Variants in BIRC6 observed in about 807,000 individuals in gnomAD.
The protein encoded by BIRC6 is baculoviral IAP repeat containing 6, also known as dual E2 ubiquitin-conjugating enzyme/E3 ubiquitin-protein ligase BIRC6.
A neutral mutation model predicts 503.3 loss-of-function variants in BIRC6; 98 were observed. The ratio of observed to expected loss-of-function variants is 0.19; its 90% CI spans 0.17 to 0.23. The LOEUF is 0.23. Ranked by LOEUF, BIRC6 falls within the 10% of genes least tolerant of loss-of-function variation. The pLI is 1.00. For missense variants in BIRC6, 5,360 were observed against 5,806.0 expected, an observed-to-expected ratio of 0.92 and a Z score of 2.50; for synonymous variants, 2,240 against 2,078.7, an observed-to-expected ratio of 1.08 and a Z score of -2.11.
At chr2:32,466,061 C>T (rs2148912319) in intron 26 of BIRC6, among the ~76,000 whole-genome samples, 1 of 152,114 alleles carries the variant, frequency 6.6e-6, no homozygotes, top group African/African-American at 2.4e-5. Flanking sequence ...GTACATAAGC[C>T]TCCTGAGGAG....
chr2:32,391,059 GC>G (rs11342412), intron 4 of BIRC6, among the ~76,000 whole-genome samples: 4,474 of 152,264 alleles, frequency 0.029, 124 homozygotes, highest in African/African-American at 0.08. Flanking sequence ...TAGAACAAGT[GC>G]TTCTTGTCTG....
In BIRC6 at chr2:32,513,138, G is replaced by A. The variant is rs374840478; in HGVS notation, c.10552G>A (p.Asp3518Asn). The A allele has an allele frequency of 2.3e-4, 370 of 1,613,018 alleles. No individual in the cohort carries two copies. Among genetic ancestry groups the A allele is most frequent in the Non-Finnish European group, 3.1e-4 (363 of 1,179,436 alleles). Reference protein sequence around the residue: ...LVEYDLPALLDQELFELLFNW... With the variant: ...LVEYDLPALLNQELFELLFNW... ...AGAATATGACTTACCAGCACTCCTG[G>A]ACCAAGAGCTCTTTGAGTAAGTATG... Residue 3518 changes from aspartate (D) to asparagine (N), a missense_variant, in exon 54 of 74, where the codon GAC becomes AAC. Transcript: ENST00000421745.
chr2:32,550,541 T>G (rs2058354575), intron 65 of BIRC6, among the ~76,000 whole-genome samples: 1 of 152,130 alleles, frequency 6.6e-6, no homozygotes, highest in Non-Finnish European at 1.5e-5. Context: ...TTAAAATGTT[T>G]GAGACTATAC....
At chr2:32,553,977 G>A (rs768873928) in intron 65 of BIRC6, among the ~76,000 whole-genome samples, 3 of 151,970 alleles carry the variant, frequency 2.0e-5, no homozygotes, top group African/African-American at 4.8e-5. Flanking sequence ...TGAAAGTTGC[G>A]TTTTGTAGGC....
intron 70 of BIRC6, among the ~76,000 whole-genome samples, chr2:32,600,657 G>A (rs1252611284): frequency 6.6e-6 from 1 of 152,206 alleles, no homozygotes; most frequent in Non-Finnish European, 1.5e-5. Flanking sequence ...AAAATATTAA[G>A]ATGTATTTAA....
intron 35 of BIRC6, 150 bp downstream of exon 35, chr2:32,477,733 T>C: frequency 8.5e-6 from 1 of 118,188 alleles, no homozygotes; most frequent in Non-Finnish European, 1.4e-5. Flanking sequence ...ACCCCGTCTC[T>C]ACAAAAAAAA....
At chr2:32,480,621 CTTTTTTTTTTTTTTTTTTT>C (rs560251664) in intron 37 of BIRC6, among the ~76,000 whole-genome samples, 1,060 of 60,728 alleles carry the variant, frequency 0.017, 24 homozygotes, top group African/African-American at 0.055. Flanking sequence ...AGGTAAATGG[CTTTTTTTTTTTTTTTTTTT>C]TTTTTTTTTT....
intron 13 of BIRC6, among the ~76,000 whole-genome samples, chr2:32,434,347 G>A (rs549036089): frequency 2.8e-4 from 43 of 152,098 alleles, no homozygotes; most frequent in Admixed American, 9.8e-4. Context: ...ATAATTTCAC[G>A]GTAAAATGGC....
intron 1 of BIRC6, among the ~76,000 whole-genome samples, chr2:32,369,903 C>A (rs1234270164): frequency 3.5e-5 from 4 of 113,256 alleles, no homozygotes; most frequent in African/African-American, 7.0e-5. Flanking sequence ...TTAGCCTGGG[C>A]AACATAGTGA....
chr2:32,411,236 A>G (rs1466890701), intron 9 of BIRC6, among the ~76,000 whole-genome samples: 1 of 148,918 alleles, frequency 6.7e-6, no homozygotes, highest in Non-Finnish European at 1.5e-5. Flanking sequence ...CGGGAGTTTC[A>G]CCATGTTGAC....
chr2:32,516,593 C>CAA (rs370418768), intron 55 of BIRC6, among the ~76,000 whole-genome samples: 5,900 of 135,712 alleles, frequency 0.043, 310 homozygotes, highest in African/African-American at 0.13. Context: ...GACTCCATCT[C>CAA]AAAAAAAAAA....
intron 53 of BIRC6, among the ~76,000 whole-genome samples, chr2:32,512,537 A>T (rs1170764647): frequency 3.9e-5 from 6 of 152,186 alleles, no homozygotes; most frequent in Non-Finnish European, 5.9e-5. Flanking sequence ...CTTAAAAAAA[A>T]TATGTAAGTG....
chr2:32,444,789 T>TTA (rs1486236887), intron 20 of BIRC6, among the ~76,000 whole-genome samples: 26 of 152,330 alleles, frequency 1.7e-4, no homozygotes, highest in Non-Finnish European at 1.6e-4. Context: ...TGTTGAAAAG[T>TTA]TATATCATTT....
intron 66 of BIRC6, among the ~76,000 whole-genome samples, chr2:32,591,179 A>G (rs967915660): frequency 3.9e-5 from 6 of 152,176 alleles, no homozygotes; most frequent in African/African-American, 1.2e-4. Flanking sequence ...TGTTTTTGTC[A>G]GACTATTCAA....
chr2:32,433,945 A>T (rs561689357), intron 13 of BIRC6, 141 bp downstream of exon 13: 124 of 673,362 alleles, frequency 1.8e-4, no homozygotes, highest in African/African-American at 4.6e-4. Flanking sequence ...GATTTTATTT[A>T]AAAAAGTAAT....
chr2:32,478,559 T>C (rs1429997770), intron 35 of BIRC6, 76 bp from the exon 36 acceptor site: 6 of 1,320,278 alleles, frequency 4.5e-6, no homozygotes, highest in Non-Finnish European at 6.3e-6. Flanking sequence ...TGCTAAAGTA[T>C]TGGTAGACTT....
At chr2:32,404,527 T>G (rs148966828) in intron 8 of BIRC6, among the ~76,000 whole-genome samples, 1,590 of 152,194 alleles carry the variant, frequency 0.01, 26 homozygotes, top group African/African-American at 0.035. Context: ...TTGGCCAGGC[T>G]GGTCTCAAAC....
Position 32,486,246 on chromosome 2 carries a change from G to A in BIRC6, c.7813+487G>A, listed in dbSNP as rs559127540. ...ACCTAATAACCTACAGAAAAGAAAG[G>A]CCAACTTTTTCGTAAAGGACTAATA... On this transcript the variant is annotated intron_variant, in intron 40 of 73. Transcript: ENST00000421745. Among the ~76,000 whole-genome samples, 222 of 152,260 alleles carry A rather than the reference G, an allele frequency of 1.5e-3. 1 individual carries two copies. The highest frequency in any genetic ancestry group is 5.2e-3 in the African/African-American group (214 of 41,540).
rs765324759 is a variant in BIRC6 at position 32,617,824 on chromosome 2, A to G, written c.14494A>G (p.Thr4832Ala). The change falls in exon 74 of 74, where the codon ACA (threonine) becomes GCA (alanine). Residue 4832 changes from threonine (T) to alanine (A), a missense_variant. This residue lies in a region of BIRC6 where 140 missense variants were observed against 130.2 expected (regional missense o/e 1.07). Coordinates refer to ENST00000421745, the MANE Select transcript of BIRC6 (RefSeq NM_016252.4). ...DDAPEVCRAT[T>A]GAEETLMHDQ... ...TGCCCCAGAGGTGTGCAGAGCCACA[A>G]CAGGTGCTGAGGAGACTCTAATGCA... is the stretch of plus-strand genomic sequence containing the variant. The G allele has an allele frequency of 1.5e-5, 25 of 1,613,926 alleles. No individual in the cohort carries two copies. Among genetic ancestry groups the G allele is most frequent in the South Asian group, 6.6e-5 (6 of 91,080 alleles).
Sources: allele counts gnomAD v4.1 joint callset (sites outside exome capture counted in the v4.1 genomes callset), GRCh38; gene constraint gnomAD v4.1.1; regional missense constraint gnomAD v4.1.1; transcripts MANE v1.5; gene names NCBI Gene and HGNC (gene_info 2026-07-23, HGNC 2026-07-21).